Variants in ZNF385D observed in about 807,000 individuals in gnomAD.
ZNF385D encodes zinc finger protein 659.
In ZNF385D, 15 loss-of-function variants were observed where a neutral mutation model predicts 35.8. The ratio of observed to expected loss-of-function variants is 0.42; its 90% CI spans 0.28 to 0.64. The LOEUF (loss-of-function observed/expected upper bound fraction) is 0.64. Among genes scored for constraint, ZNF385D ranks in the 30% least tolerant of loss-of-function variants. ZNF385D has a pLI of 0.23. For missense variants in ZNF385D, 474 were observed against 494.6 expected (o/e 0.96, Z 0.39); for synonymous variants, 212 against 186.8 (o/e 1.13, Z -1.10).
At chr3:22,097,016 G>T (rs761094970) in intron 3 of ZNF385D, among the ~76,000 whole-genome samples, 2 of 152,064 alleles carry the variant, frequency 1.3e-5, no homozygotes, top group Non-Finnish European at 2.9e-5. Flanking sequence ...CTGTAAGCAA[G>T]CTCAAGCATC....
At chr3:21,825,676 G>A (rs2125747506) in intron 3 of ZNF385D, among the ~76,000 whole-genome samples, 1 of 152,256 alleles carries the variant, frequency 6.6e-6, no homozygotes, top group East Asian at 1.9e-4. Context: ...AGAGAGGGAC[G>A]CTGTGGAAAA....
At chr3:22,351,425 T>C (rs979384765) in intron 2 of ZNF385D, among the ~76,000 whole-genome samples, 12 of 152,050 alleles carry the variant, frequency 7.9e-5, no homozygotes, top group Non-Finnish European at 1.6e-4. Flanking sequence ...ACAAGAGATA[T>C]AAATAATAAA....
At chr3:21,966,716 G>A (rs187165405) in intron 3 of ZNF385D, among the ~76,000 whole-genome samples, 2 of 152,198 alleles carry the variant, frequency 1.3e-5, no homozygotes, top group East Asian at 3.9e-4. Flanking sequence ...GGAATAGCTG[G>A]GATTACAGGC....
intron 1 of ZNF385D, among the ~76,000 whole-genome samples, chr3:21,723,368 G>A (rs982990620): frequency 3.3e-5 from 5 of 152,084 alleles, no homozygotes; most frequent in Non-Finnish European, 5.9e-5. Flanking sequence ...CTAAAGGAGC[G>A]TGTTCTAACC....
chr3:21,604,826 G>A (rs1575302597), intron 2 of ZNF385D, among the ~76,000 whole-genome samples: 1 of 152,194 alleles, frequency 6.6e-6, no homozygotes, highest in East Asian at 1.9e-4. Context: ...GAGAGAAATG[G>A]GAACAGCTTG....
At chr3:22,126,075 A>G (rs1703408915) in intron 3 of ZNF385D, among the ~76,000 whole-genome samples, 1 of 152,016 alleles carries the variant, frequency 6.6e-6, no homozygotes, top group Non-Finnish European at 1.5e-5. Flanking sequence ...TATTTTGTTG[A>G]GGTATGTTCC....
intron 2 of ZNF385D, among the ~76,000 whole-genome samples, chr3:21,622,527 TCACC>T (rs1420131339): frequency 6.6e-6 from 1 of 152,098 alleles, no homozygotes; most frequent in African/African-American, 2.4e-5. Context: ...AGTTAGATTT[TCACC>T]CATCAAAACA....
chr3:22,086,092 T>C (rs1272807242), intron 3 of ZNF385D, among the ~76,000 whole-genome samples: 1 of 152,188 alleles, frequency 6.6e-6, no homozygotes, highest in Non-Finnish European at 1.5e-5. Flanking sequence ...CCATAGCCCA[T>C]ATCATACTGC....
rs1160684838 is a variant in ZNF385D at position 22,033,289 on chromosome 3, C to G, written c.325+135528G>C. ...TGGTGGCGCGTGCCTGTCATCCCAG[C>G]TACTCTGGAGGCTGAGGCATGAGAA... is the stretch of plus-strand genomic sequence containing the variant. On this transcript the variant is annotated intron_variant, in intron 3 of 5. Transcript: ENST00000494108. 3.3e-5 allele frequency among the ~76,000 whole-genome samples: 5 copies of G among 151,784 alleles called. No homozygotes were observed. In the East Asian group the frequency reaches 9.7e-4, roughly 29 times the overall value.
chr3:21,764,860 T>C (rs1393426622), intron 3 of ZNF385D, among the ~76,000 whole-genome samples: 1 of 152,146 alleles, frequency 6.6e-6, no homozygotes, highest in Non-Finnish European at 1.5e-5. Flanking sequence ...TAAGTTTACA[T>C]TTCTGGCTCC....
intron 3 of ZNF385D, among the ~76,000 whole-genome samples, chr3:22,096,736 T>A (rs1178868568): frequency 6.6e-6 from 1 of 152,032 alleles, no homozygotes. Context: ...GTTCTATGTG[T>A]CATGGCACAT....
At chr3:22,021,923 A>G (rs925727615) in intron 3 of ZNF385D, among the ~76,000 whole-genome samples, 2 of 152,098 alleles carry the variant, frequency 1.3e-5, no homozygotes, top group Non-Finnish European at 2.9e-5. Flanking sequence ...TGTGCAGACA[A>G]GTTTGACGGC....
At chr3:21,886,701 A>G (rs1486792446) in intron 3 of ZNF385D, among the ~76,000 whole-genome samples, 1 of 152,200 alleles carries the variant, frequency 6.6e-6, no homozygotes, top group Non-Finnish European at 1.5e-5. Context: ...TTTATGTGAT[A>G]GCATCTAGTC....
chr3:22,081,310 C>T (rs922208307), intron 3 of ZNF385D, among the ~76,000 whole-genome samples: 16 of 152,160 alleles, frequency 1.1e-4, no homozygotes, highest in Admixed American at 7.2e-4. Context: ...ACTGGGGATG[C>T]GAGCTTAAAT....
In ZNF385D at chr3:22,350,039, T is replaced by C. The variant is rs573613002; in HGVS notation, c.106+22411A>G. Among the ~76,000 whole-genome samples, 561 of 152,290 alleles carry C rather than the reference T, an allele frequency of 3.7e-3. 2 individuals carry two copies. Among genetic ancestry groups the C allele is most frequent in the Non-Finnish European group, 5.2e-3 (354 of 67,990 alleles). On this transcript the variant is annotated intron_variant, in intron 2 of 5. Transcript: ENST00000494108. Reference sequence around the variant, plus strand: ...TAGAGTTTGGTTTAATTGTTCAGAATATAACCAAAAAATGTTTGGTAGAAC... The same window carrying C: ...TAGAGTTTGGTTTAATTGTTCAGAACATAACCAAAAAATGTTTGGTAGAAC...
chr3:22,282,973 A>C (rs2125383799), intron 2 of ZNF385D, among the ~76,000 whole-genome samples: 1 of 152,226 alleles, frequency 6.6e-6, no homozygotes, highest in South Asian at 2.1e-4. Flanking sequence ...CATAAACTTA[A>C]GGTAAAGGGG....
intron 2 of ZNF385D, among the ~76,000 whole-genome samples, chr3:22,354,311 T>C (rs1331603889): frequency 6.6e-6 from 1 of 152,114 alleles, no homozygotes; most frequent in Non-Finnish European, 1.5e-5. Flanking sequence ...TTCAAGTAGA[T>C]ACAGTAAGGA....
At chr3:21,677,007 C>G (rs1421694033) in intron 1 of ZNF385D, among the ~76,000 whole-genome samples, 4 of 151,944 alleles carry the variant, frequency 2.6e-5, no homozygotes, top group Non-Finnish European at 5.9e-5. Flanking sequence ...GAAGAAAGTC[C>G]TCATATCAGG....
At chr3:22,295,464 A>G (rs1254129559) in intron 2 of ZNF385D, among the ~76,000 whole-genome samples, 1 of 81,042 alleles carries the variant, frequency 1.2e-5, no homozygotes, top group African/African-American at 9.0e-5. Flanking sequence ...ATGCAGTAAA[A>G]TAGAATAAAA....
Sources: allele counts gnomAD v4.1 joint callset (sites outside exome capture counted in the v4.1 genomes callset), GRCh38; gene constraint gnomAD v4.1.1; transcripts MANE v1.5; gene names NCBI Gene and HGNC (gene_info 2026-07-23, HGNC 2026-07-21).